SLC9D1: variants seen among roughly 807,000 people sequenced by gnomAD.
SLC9D1 encodes the protein solute carrier family 9 member D1.
chr13:113,511,312 A>G, the SLC9D1 span, among the ~76,000 whole-genome samples: 1 of 152,204 alleles, frequency 6.6e-6, no homozygotes, highest in African/African-American at 2.4e-5. Flanking sequence ...ATAGAAGAGA[A>G]AATACGGAAA....
At chr13:113,498,589 A>G in the SLC9D1 span, 1 of 1,274,590 alleles carries the variant, frequency 7.8e-7, no homozygotes, top group Middle Eastern at 1.9e-4. Flanking sequence ...CATGTTGTTG[A>G]AATTGTTCAC....
At chr13:113,503,351 G>GAC in the SLC9D1 span, 51 of 193,536 alleles carry the variant, frequency 2.6e-4, no homozygotes, top group African/African-American at 1.8e-3. Flanking sequence ...GTGATTGTGT[G>GAC]TGTGTGTGTG....
At chr13:113,501,757 T>C in the SLC9D1 span, 4 of 1,608,540 alleles carry the variant, frequency 2.5e-6, no homozygotes, top group Non-Finnish European at 3.4e-6. Flanking sequence ...TTCAGGACAT[T>C]GTTACCATAG....
chr13:113,514,979 A>G, the SLC9D1 span, among the ~76,000 whole-genome samples: 2 of 152,188 alleles, frequency 1.3e-5, no homozygotes, highest in Non-Finnish European at 2.9e-5. Flanking sequence ...CGGCCTCCCA[A>G]AGCGTTGGGA....
At chr13:113,501,693 A>C in the SLC9D1 span, 1 of 1,416,850 alleles carries the variant, frequency 7.1e-7, no homozygotes, top group South Asian at 1.2e-5. Flanking sequence ...TCAGCCAGCC[A>C]GCCCCCTTCT....
chr13:113,517,719 T>G, the SLC9D1 span, among the ~76,000 whole-genome samples: 2 of 152,214 alleles, frequency 1.3e-5, no homozygotes, highest in Non-Finnish European at 2.9e-5. Flanking sequence ...ATAAACTCAG[T>G]GTTGCCTCCA....
the SLC9D1 span, chr13:113,520,666 G>C: frequency 9.3e-6 from 15 of 1,613,928 alleles, no homozygotes; most frequent in Non-Finnish European, 1.3e-5. Context: ...GACGCAGGAC[G>C]TGCAGCTCGG....
At chr13:113,524,891 G>A in the SLC9D1 span, among the ~76,000 whole-genome samples, 1 of 151,378 alleles carries the variant, frequency 6.6e-6, no homozygotes, top group African/African-American at 2.4e-5. Flanking sequence ...GGTAAATATT[G>A]ATATGTTGCA....
At chr13:113,501,891 A>G in the SLC9D1 span, 19 of 1,601,482 alleles carry the variant, frequency 1.2e-5, no homozygotes, top group Non-Finnish European at 1.6e-5. Flanking sequence ...GTAAGAACAA[A>G]ATTGGATTGT....
the SLC9D1 span, chr13:113,549,369 T>C: frequency 6.3e-7 from 1 of 1,591,812 alleles, no homozygotes; most frequent in Non-Finnish European, 8.6e-7. Context: ...TGCTTTCCTG[T>C]TGCAGGTGCT....
chr13:113,498,902 G>A, the SLC9D1 span, among the ~76,000 whole-genome samples: 1 of 151,958 alleles, frequency 6.6e-6, no homozygotes, highest in Non-Finnish European at 1.5e-5. Flanking sequence ...TGGATCAGGG[G>A]TAGTCCATAG....
At chr13:113,498,269 G>T in the SLC9D1 span, 1 of 1,149,884 alleles carries the variant, frequency 8.7e-7, no homozygotes. Context: ...CAAAGCAGGA[G>T]GATTGATTAA....
At chr13:113,549,134 A>G in the SLC9D1 span, among the ~76,000 whole-genome samples, 1 of 152,172 alleles carries the variant, frequency 6.6e-6, no homozygotes, top group Non-Finnish European at 1.5e-5. Flanking sequence ...AGTCTCTCCT[A>G]CATCCCAATG....
chr13:113,512,310 A>G, the SLC9D1 span, among the ~76,000 whole-genome samples: 3 of 86,034 alleles, frequency 3.5e-5, no homozygotes, highest in Admixed American at 1.1e-4. Flanking sequence ...TCGGAGTCTC[A>G]GGGGCCGGGA....
At chr13:113,509,690 C>T in the SLC9D1 span, among the ~76,000 whole-genome samples, 1 of 152,184 alleles carries the variant, frequency 6.6e-6, no homozygotes, top group South Asian at 2.1e-4. Context: ...GGAGGAGTTC[C>T]AGGTTAATTT....
chr13:113,503,508 G>A, the SLC9D1 span: 2 of 1,612,426 alleles, frequency 1.2e-6, no homozygotes, highest in Non-Finnish European at 1.7e-6. Context: ...TATTGTGCAA[G>A]TGGAGACATT....
At chr13:113,544,894 C>T in the SLC9D1 span, among the ~76,000 whole-genome samples, 1 of 152,268 alleles carries the variant, frequency 6.6e-6, no homozygotes, top group East Asian at 1.9e-4. Context: ...GTCCATAAAG[C>T]ACGAAGTGTT....
At chr13:113,545,337 A>G in the SLC9D1 span, among the ~76,000 whole-genome samples, 29,448 of 152,186 alleles carry the variant, frequency 0.19, 3,645 homozygotes, top group African/African-American at 0.35. Context: ...GGTGCTGTGG[A>G]GCCGGTGGGG....
At chr13:113,500,152 A>T in the SLC9D1 span, 1 of 1,452,980 alleles carries the variant, frequency 6.9e-7, no homozygotes, top group African/African-American at 1.4e-5. Flanking sequence ...TTATAAAGGT[A>T]GTGAGTCATG....
Sources: allele counts gnomAD v4.1 joint callset (sites outside exome capture counted in the v4.1 genomes callset), GRCh38; gene constraint gnomAD v4.1.1; transcripts MANE v1.5; gene names NCBI Gene and HGNC (gene_info 2026-07-23, HGNC 2026-07-21).